Variants in ABAT observed in about 807,000 individuals in gnomAD.
ABAT encodes 4-aminobutyrate aminotransferase, mitochondrial.
In ABAT, 45 loss-of-function variants were observed where a neutral mutation model predicts 64.6. That is an observed-to-expected ratio of 0.70 (90% CI 0.55 to 0.89). ABAT has a LOEUF of 0.89. Among genes scored for constraint, ABAT ranks in the 40% least tolerant of loss-of-function variants. The pLI is 0.00. For missense variants in ABAT, 633 were observed against 658.4 expected (o/e 0.96, Z 0.42); for synonymous variants, 297 against 250.5 (o/e 1.19, Z -1.75).
Position 8,774,939 on chromosome 16 carries a change from C to T in ABAT, c.1004C>T (p.Thr335Met), listed in dbSNP as rs2060222738. The part of the protein sequence containing the change: ...VDEVQTGGGC[T>M]GKFWAHEHWG... ...GAGGTCCAGACCGGAGGAGGCTGCA[C>T]GGGCAAGTTCTGGGCCCATGAGCAC... Residue 335 changes from threonine to methionine, a missense_variant, in exon 13 of 16, where the codon ACG becomes ATG. Transcript: ENST00000268251. 3.7e-6 allele frequency: 6 copies of T among 1,614,154 alleles called. No homozygotes were observed. Among genetic ancestry groups the T allele is most frequent in the East Asian group, 4.5e-5 (2 of 44,884 alleles).
chr16:8,728,922 G>C (rs1023908098), intron 1 of ABAT, among the ~76,000 whole-genome samples: 10 of 152,132 alleles, frequency 6.6e-5, no homozygotes, highest in Non-Finnish European at 1.3e-4. Flanking sequence ...CACTTTCCAA[G>C]CCCACACTTT....
At position 8,764,120 on chromosome 16, in the gene ABAT, G is replaced by C. The variant is rs757373735; in HGVS notation, c.418G>C (p.Val140Leu). 6.2e-7 allele frequency: 1 copy of C among 1,613,670 alleles called. No homozygotes were observed. Among genetic ancestry groups the C allele is most frequent in the South Asian group, 1.1e-5 (1 of 91,056 alleles). ...ALGILPPENF[V>L]EKLRQSLLSV... ...CGGAATCCTGCCTCCGGAGAACTTTGTGGAGAAGCTCCGGCAGTCCTTGCT... is the reference window on the plus strand; with the variant it reads ...CGGAATCCTGCCTCCGGAGAACTTTCTGGAGAAGCTCCGGCAGTCCTTGCT... The change falls in exon 7 of 16, where the codon GTG (valine) becomes CTG (leucine). Residue 140 changes from valine (V) to leucine (L), a missense_variant. By Grantham distance (32) the Val-to-Leu change is conservative. Coordinates refer to ENST00000268251, the MANE Select transcript of ABAT (RefSeq NM_020686.6). This position sits in a 1 kb window ranked among gnomAD's most constrained non-coding sequence, Gnocchi z 4.2.
chr16:8,734,946 A>C (rs1200671230), intron 1 of ABAT, among the ~76,000 whole-genome samples: 1 of 151,936 alleles, frequency 6.6e-6, no homozygotes, highest in Non-Finnish European at 1.5e-5. Flanking sequence ...AGTGGTTCAT[A>C]CCTGTAATCC....
chr16:8,778,607 C>A (rs776126987), intron 14 of ABAT, among the ~76,000 whole-genome samples: 3 of 151,098 alleles, frequency 2.0e-5, no homozygotes, highest in Non-Finnish European at 4.4e-5. Context: ...AAACCAGTTT[C>A]TACTAAAACT....
chr16:8,699,061 G>A (rs377357933), intron 1 of ABAT, among the ~76,000 whole-genome samples: 1 of 152,228 alleles, frequency 6.6e-6, no homozygotes, highest in Non-Finnish European at 1.5e-5. Flanking sequence ...GGGTGGAATT[G>A]CTGGGTCATA....
At chr16:8,769,201 C>A (rs79725896) in intron 11 of ABAT, among the ~76,000 whole-genome samples, 4 of 152,142 alleles carry the variant, frequency 2.6e-5, no homozygotes, top group Non-Finnish European at 5.9e-5. Context: ...ACTCTGATAC[C>A]AATTTCTGTA....
intron 1 of ABAT, among the ~76,000 whole-genome samples, chr16:8,734,553 T>C (rs73499548): frequency 0.033 from 5,006 of 152,240 alleles, 281 homozygotes; most frequent in African/African-American, 0.11. Flanking sequence ...AAAAAGACCA[T>C]GGAGCATGGT....
intron 13 of ABAT, among the ~76,000 whole-genome samples, chr16:8,775,600 C>T (rs1380687585): frequency 3.3e-5 from 5 of 152,034 alleles, no homozygotes; most frequent in Admixed American, 1.3e-4. Flanking sequence ...CAGGGGCCAA[C>T]GTCCTTTCAC....
chr16:8,750,673 G>A, intron 5 of ABAT, 134 bp downstream of exon 5: 2 of 811,450 alleles, frequency 2.5e-6, no homozygotes, highest in South Asian at 2.7e-5. Flanking sequence ...CCAAGGGTAG[G>A]AAAAAAATAA....
At chr16:8,690,114 C>T (rs1289964) in intron 1 of ABAT, among the ~76,000 whole-genome samples, 12,888 of 152,250 alleles carry the variant, frequency 0.085, 676 homozygotes, top group Middle Eastern at 0.17. Flanking sequence ...TCTCCCAGCT[C>T]CTGGCACTGA....
intron 1 of ABAT, among the ~76,000 whole-genome samples, chr16:8,717,589 C>A (rs1051122160): frequency 3.3e-5 from 5 of 152,276 alleles, no homozygotes; most frequent in Non-Finnish European, 5.9e-5. Context: ...CACACTGGCC[C>A]TGGTGCTGTA....
At chr16:8,700,218 G>A (rs1262910035) in intron 1 of ABAT, among the ~76,000 whole-genome samples, 1 of 152,288 alleles carries the variant, frequency 6.6e-6, no homozygotes, top group Non-Finnish European at 1.5e-5. Flanking sequence ...CCCTCTCACA[G>A]CTTGTGGTTA....
chr16:8,675,247 G>A (rs1196145885), intron 1 of ABAT, among the ~76,000 whole-genome samples: 1 of 152,074 alleles, frequency 6.6e-6, no homozygotes, highest in Non-Finnish European at 1.5e-5. Flanking sequence ...GGGCTCTGGA[G>A]AGATAGATGA....
intron 1 of ABAT, among the ~76,000 whole-genome samples, chr16:8,679,090 G>A (rs944677226): frequency 5.9e-5 from 9 of 152,114 alleles, no homozygotes; most frequent in African/African-American, 2.2e-4. Context: ...AGGCTGAGGC[G>A]GCAGAATCAC....
At chr16:8,736,680 C>G (rs896752422) in intron 2 of ABAT, 3 of 152,324 alleles carry the variant, frequency 2.0e-5, no homozygotes, top group Non-Finnish European at 2.9e-5. Flanking sequence ...TTCTGTTTGA[C>G]GTCTTTGAGA....
intron 1 of ABAT, among the ~76,000 whole-genome samples, chr16:8,679,002 C>A (rs138405480): frequency 6.6e-6 from 1 of 151,990 alleles, no homozygotes; most frequent in Admixed American, 6.6e-5. Context: ...AATAAATCTC[C>A]GCCAGCTTCC....
chr16:8,731,352 G>T (rs777885749), intron 1 of ABAT: 12 of 152,174 alleles, frequency 7.9e-5, no homozygotes, highest in Non-Finnish European at 1.2e-4. Flanking sequence ...TCAACCCAAA[G>T]AAATTCTTTA....
chr16:8,691,302 A>G (rs1051171575), intron 1 of ABAT, among the ~76,000 whole-genome samples: 3 of 152,222 alleles, frequency 2.0e-5, no homozygotes, highest in Non-Finnish European at 4.4e-5. Flanking sequence ...GTCCTCAGAA[A>G]CCAAGTGAGG....
chr16:8,710,694 C>CAGAGAG lies in ABAT; in HGVS notation c.-41-24974_-41-24969dup, dbSNP rs558327984. Among the ~76,000 whole-genome samples, 123 of 122,026 alleles carry CAGAGAG rather than the reference C, an allele frequency of 1.0e-3. 1 individual carries two copies. The East Asian group carries it at 0.018, about 18-fold the overall frequency. 80.1% of individuals were successfully genotyped at this position (122,026 alleles called of 152,430 possible). ...GGTTAAGGCTGCACTGAGAGAGAGA[C>CAGAGAG]AGAGAGAGAGAGAGAGAGAGAGAGA... On this transcript the variant is annotated intron_variant, in intron 1 of 15. Coordinates refer to ENST00000268251, the MANE Select transcript of ABAT (RefSeq NM_020686.6).
Sources: allele counts gnomAD v4.1 joint callset (sites outside exome capture counted in the v4.1 genomes callset), GRCh38; gene constraint gnomAD v4.1.1; non-coding constraint Gnocchi (gnomAD v3.1); transcripts MANE v1.5; gene names NCBI Gene and HGNC (gene_info 2026-07-23, HGNC 2026-07-21).